The following AFF3 variants were observed in gnomAD, a reference collection of about 807,000 sequenced individuals.
AFF3 encodes AF4/FMR2 family member 3.
AFF3 carries 32 observed loss-of-function variants against 129.7 expected under a neutral mutation model. The observed-to-expected ratio is 0.25, with a 90% CI of 0.19 to 0.33. AFF3 has a LOEUF of 0.33. AFF3 is among the 10% of genes least tolerant of loss of function. AFF3 has a pLI of 1.00. For missense variants in AFF3, 1,373 were observed against 1,592.0 expected (o/e 0.86, Z 2.34); for synonymous variants, 644 against 635.4 (o/e 1.01, Z -0.20).
intron 12 of AFF3, among the ~76,000 whole-genome samples, 181 bp from the exon 13 acceptor site, chr2:99,649,847 T>C (rs1414566245): frequency 5.3e-5 from 8 of 152,178 alleles, no homozygotes; most frequent in African/African-American, 1.7e-4. Context: ...TGTGATGAAA[T>C]GAACCTTCAC....
rs17023268 is a variant in AFF3, at chr2:99,879,607, A to G, written c.874-42083T>C. On this transcript the variant is annotated intron_variant, in intron 7 of 24. Coordinates refer to ENST00000672756, the MANE Select transcript of AFF3 (RefSeq NM_001386135.1). ...CTTTTGGATAGTTTGCTCCAAGTCA[A>G]CAGGGTATAAAAGAATGGTCCTTAT... Among the ~76,000 whole-genome samples the G allele has an allele frequency of 3.5e-3, 539 of 152,338 alleles. 1 individual carries two copies. Among genetic ancestry groups the G allele is most frequent in the African/African-American group, 0.012 (518 of 41,566 alleles).
intron 7 of AFF3, among the ~76,000 whole-genome samples, chr2:99,990,018 T>C (rs1680197933): frequency 6.6e-6 from 1 of 152,180 alleles, no homozygotes; most frequent in Non-Finnish European, 1.5e-5. Flanking sequence ...TGTATTCTTG[T>C]AAGGGTGGTC....
intron 3 of AFF3, chr2:100,104,885 G>A (rs1691146090): frequency 3.5e-6 from 1 of 283,276 alleles, no homozygotes; most frequent in Non-Finnish European, 5.2e-6. Flanking sequence ...GCGCGGGCGA[G>A]GCCGAGGCGC....
intron 17 of AFF3, among the ~76,000 whole-genome samples, chr2:99,579,373 C>G (rs1340523272): frequency 6.7e-6 from 1 of 149,216 alleles, no homozygotes; most frequent in Non-Finnish European, 1.5e-5. Flanking sequence ...CCATTGCACT[C>G]CAGCCTGGGC....
intron 7 of AFF3, among the ~76,000 whole-genome samples, chr2:99,896,068 CAAAAAAAAAAAAA>C (rs58471464): frequency 1.6e-5 from 1 of 63,082 alleles, no homozygotes; most frequent in Non-Finnish European, 2.9e-5. Context: ...GACTCCTTCT[CAAAAAAAAAAAAA>C]AAAAAAAAAA....
intron 13 of AFF3, among the ~76,000 whole-genome samples, chr2:99,622,254 C>A (rs1462736616): frequency 6.6e-6 from 1 of 152,166 alleles, no homozygotes; most frequent in African/African-American, 2.4e-5. Flanking sequence ...GCTGTGCCCC[C>A]AGAGGACCCT....
chr2:99,668,295 C>T (rs1686856342), intron 12 of AFF3, among the ~76,000 whole-genome samples: 1 of 151,880 alleles, frequency 6.6e-6, no homozygotes, highest in African/African-American at 2.4e-5. Context: ...TCTCAGCCTC[C>T]CGAGTAGCTG....
intron 4 of AFF3, among the ~76,000 whole-genome samples, chr2:100,036,077 T>C (rs1356979232): frequency 7.3e-6 from 1 of 137,672 alleles, no homozygotes; most frequent in African/African-American, 2.7e-5. Context: ...AGAGAGAAAA[T>C]TGATATGGTT....
At chr2:99,744,234 C>A in intron 9 of AFF3, 94 bp from the exon 10 acceptor site, 3 of 1,061,386 alleles carry the variant, frequency 2.8e-6, no homozygotes, top group Non-Finnish European at 4.2e-6. Flanking sequence ...TCATTCAGAA[C>A]CGATTCATTG....
chr2:99,852,562 T>C (rs1690225345), intron 7 of AFF3, among the ~76,000 whole-genome samples: 1 of 152,176 alleles, frequency 6.6e-6, no homozygotes, highest in Non-Finnish European at 1.5e-5. Flanking sequence ...CATTCACAGA[T>C]AACTGCTGGG....
In AFF3 at chr2:99,926,730, T is replaced by C. The variant is rs200554086; in HGVS notation, c.873+79902A>G. ...CCTGGGGGTTACAGAGGATTAAGTA[T>C]GGTCTGTACTGTCACGATTCAACAA... On this transcript the variant is annotated intron_variant, in intron 7 of 24. Transcript: ENST00000672756. Among the ~76,000 whole-genome samples, 4 of 152,072 alleles carry C rather than the reference T, an allele frequency of 2.6e-5. No individual in the cohort carries two copies. In the East Asian group the frequency reaches 5.8e-4, roughly 22 times the overall value.
chr2:100,060,125 C>A (rs1317840744), intron 4 of AFF3, among the ~76,000 whole-genome samples: 2 of 152,184 alleles, frequency 1.3e-5, no homozygotes, highest in Non-Finnish European at 2.9e-5. Context: ...ACCCCAGCCT[C>A]CGAGAACAGG....
At chr2:99,961,398 G>A (rs971127235) in intron 7 of AFF3, among the ~76,000 whole-genome samples, 1 of 152,094 alleles carries the variant, frequency 6.6e-6, no homozygotes, top group Non-Finnish European at 1.5e-5. Context: ...CGGGGGCCCC[G>A]GTGTTTCTTG....
intron 21 of AFF3, among the ~76,000 whole-genome samples, chr2:99,560,160 G>T (rs995054195): frequency 6.6e-6 from 1 of 152,236 alleles, no homozygotes; most frequent in Non-Finnish European, 1.5e-5. Context: ...ACTTTGGTAG[G>T]CCTGTCGATT....
intron 4 of AFF3, among the ~76,000 whole-genome samples, chr2:100,052,580 T>C (rs1426958178): frequency 6.6e-6 from 1 of 152,174 alleles, no homozygotes; most frequent in Non-Finnish European, 1.5e-5. Flanking sequence ...CCCCACTCTA[T>C]GTGCAGGGTC....
intron 7 of AFF3, among the ~76,000 whole-genome samples, chr2:99,948,679 G>A (rs985958249): frequency 1.3e-5 from 2 of 152,214 alleles, no homozygotes; most frequent in African/African-American, 2.4e-5. Context: ...GACAGAGCCC[G>A]CAAGGCCAGA....
chr2:99,648,911 A>ACTCTCTCTCTCTCTCTCTCTCTCT (rs1310405470), intron 13 of AFF3, among the ~76,000 whole-genome samples: 3 of 36,240 alleles, frequency 8.3e-5, no homozygotes, highest in African/African-American at 2.0e-4. Flanking sequence ...ACACACACAC[A>ACTCTCTCTCTCTCTCTCTCTCTCT]CACACACTCT....
intron 2 of AFF3, chr2:100,107,462 T>C (rs1691354057): frequency 2.0e-6 from 2 of 985,258 alleles, no homozygotes; most frequent in East Asian, 1.1e-4. Context: ...CTTTTTTATG[T>C]AAAAGAGAAA....
At chr2:99,559,649 C>G (rs1386828527) in intron 21 of AFF3, among the ~76,000 whole-genome samples, 2 of 152,218 alleles carry the variant, frequency 1.3e-5, no homozygotes, top group East Asian at 3.8e-4. Context: ...GACTTATCCT[C>G]TCTTCCTTGG....
Sources: gnomAD v4.1 joint callset for allele counts (sites outside exome capture counted in the v4.1 genomes callset) on GRCh38, gnomAD v4.1.1 for gene constraint, MANE v1.5 for transcripts, NCBI Gene and HGNC (gene_info 2026-07-23, HGNC 2026-07-21) for gene names.